Variants in NAV1 observed in about 807,000 individuals in gnomAD.
NAV1 encodes pore membrane and/or filament interacting like protein 3.
Under a neutral mutation model 175.2 loss-of-function variants are expected in NAV1, and 18 were observed. That is an observed-to-expected ratio of 0.10 (90% CI 0.07 to 0.15). The LOEUF (loss-of-function observed/expected upper bound fraction) is 0.15. NAV1 is among the 10% of genes least tolerant of loss of function. NAV1 has a pLI of 1.00. For missense variants in NAV1, 1,731 were observed against 2,436.6 expected (o/e 0.71, Z 6.10); for synonymous variants, 897 against 978.7 (o/e 0.92, Z 1.56).
intron 2 of NAV1, among the ~76,000 whole-genome samples, chr1:201,713,691 C>T (rs1463041289): frequency 6.6e-6 from 1 of 152,180 alleles, no homozygotes; most frequent in South Asian, 2.1e-4. Flanking sequence ...GCAGAACAGA[C>T]AGCCAGATTG....
intron 1 of NAV1, among the ~76,000 whole-genome samples, chr1:201,703,821 C>T (rs1359700041): frequency 1.3e-5 from 2 of 152,200 alleles, no homozygotes; most frequent in Non-Finnish European, 2.9e-5. Context: ...GAGGCTGCCA[C>T]TCCCCAGAAA....
intron 3 of NAV1, among the ~76,000 whole-genome samples, chr1:201,728,580 G>A (rs190448745): frequency 2.1e-5 from 3 of 145,482 alleles, no homozygotes; most frequent in Non-Finnish European, 4.5e-5. Flanking sequence ...GGCAAGAAGA[G>A]TGAAACTCCA....
At chr1:201,702,369 T>A (rs1179725201) in intron 1 of NAV1, among the ~76,000 whole-genome samples, 1 of 152,200 alleles carries the variant, frequency 6.6e-6, no homozygotes, top group Admixed American at 6.5e-5. Flanking sequence ...ATTTGTTTTT[T>A]TTATTATTAT....
chr1:201,670,796 G>A (rs924867979), intron 1 of NAV1, among the ~76,000 whole-genome samples: 1 of 151,900 alleles, frequency 6.6e-6, no homozygotes, highest in Non-Finnish European at 1.5e-5. Context: ...AGAGATTATG[G>A]TGATGTTTTG....
intron 3 of NAV1, among the ~76,000 whole-genome samples, chr1:201,757,613 T>C (rs1465539959): frequency 6.6e-6 from 1 of 152,246 alleles, no homozygotes; most frequent in African/African-American, 2.4e-5. Context: ...TACCATACTC[T>C]ACATCTCCAG....
Position 201,788,879 on chromosome 1 carries a change from G to A in NAV1, c.3166+241G>A, listed in dbSNP as rs1676937314. ...CATCCATCACTGGGGCTGGGGGAGG[G>A]AAATTGAGCATGGAAGGGTTAAATG... is the stretch of plus-strand genomic sequence containing the variant. On this transcript the variant is annotated intron_variant, in intron 10 of 29. Transcript: ENST00000367296. The surrounding 1 kb of genome is among the most constrained non-coding windows in gnomAD (Gnocchi z 5.7). 6.6e-6 allele frequency among the ~76,000 whole-genome samples: 1 copy of A among 152,178 alleles called. No homozygotes were observed. Among genetic ancestry groups the A allele is most frequent in the South Asian group, 2.1e-4 (1 of 4,828 alleles).
chr1:201,814,369 C>CAAA (rs11436961), intron 28 of NAV1, among the ~76,000 whole-genome samples: 1 of 147,694 alleles, frequency 6.8e-6, no homozygotes, highest in African/African-American at 2.5e-5. Context: ...GAACCTGTCT[C>CAAA]AAAAAAAAAA....
At chr1:201,618,922 T>A (rs1004164905), upstream of NAV1, among the ~76,000 whole-genome samples, 1 of 152,142 alleles carries the variant, frequency 6.6e-6, no homozygotes, top group Non-Finnish European at 1.5e-5. Context: ...TCATGACCCC[T>A]TTCTCACCCA....
intron 7 of NAV1, among the ~76,000 whole-genome samples, chr1:201,784,889 T>A (rs915522890): frequency 4.6e-5 from 7 of 152,008 alleles, no homozygotes; most frequent in African/African-American, 1.7e-4. Context: ...TGCCTCAGCC[T>A]CCCGAGTAGC....
intron 2 of NAV1, among the ~76,000 whole-genome samples, chr1:201,715,340 A>G (rs1672095133): frequency 1.3e-5 from 2 of 151,950 alleles, no homozygotes; most frequent in Non-Finnish European, 2.9e-5. Flanking sequence ...TTGTATTTTT[A>G]GTAGAGATGG....
chr1:201,641,213 G>A (rs1384843277), intron 2 of NAV1, among the ~76,000 whole-genome samples: 1 of 152,122 alleles, frequency 6.6e-6, no homozygotes, highest in Non-Finnish European at 1.5e-5. Context: ...ACCCACATTT[G>A]GCCAATAGCA....
At chr1:201,762,568 G>A (rs991527355) in intron 3 of NAV1, among the ~76,000 whole-genome samples, 2 of 152,190 alleles carry the variant, frequency 1.3e-5, no homozygotes, top group Non-Finnish European at 1.5e-5. Context: ...GAACATAGCC[G>A]GATTCATTTG....
At chr1:201,574,266 A>G (rs1666629502) in intron 1 of NAV1, among the ~76,000 whole-genome samples, 1 of 152,182 alleles carries the variant, frequency 6.6e-6, no homozygotes, top group African/African-American at 2.4e-5. Context: ...AAATCCCCAC[A>G]GAGAGAGTCA....
At chr1:201,646,177 T>A (rs1668972417), upstream of NAV1, among the ~76,000 whole-genome samples, 1 of 152,256 alleles carries the variant, frequency 6.6e-6, no homozygotes, top group African/African-American at 2.4e-5. Flanking sequence ...AGTTCTGGCA[T>A]GATACCACTC....
intron 1 of NAV1, among the ~76,000 whole-genome samples, chr1:201,550,392 A>G (rs1665822880): frequency 1.3e-5 from 2 of 152,090 alleles, no homozygotes; most frequent in African/African-American, 4.8e-5. Flanking sequence ...GGTTGGTCCC[A>G]AACTCCTGGC....
exon 2 of NAV1, chr1:201,712,847 A>G (rs1430263936): frequency 6.2e-7 from 1 of 1,613,936 alleles, no homozygotes; most frequent in Admixed American, 1.7e-5. Context: ...AGGACAGTGC[A>G]GAATGTCCTG....
chr1:201,617,038 A>G (rs1014605), intron 2 of NAV1, among the ~76,000 whole-genome samples: 5,979 of 152,200 alleles, frequency 0.039, 258 homozygotes, highest in African/African-American at 0.1. Context: ...TCCCTAGTGT[A>G]ATTTATTGAG....
At chr1:201,633,088 G>A (rs534571931) in intron 2 of NAV1, among the ~76,000 whole-genome samples, 2 of 152,170 alleles carry the variant, frequency 1.3e-5, no homozygotes, top group Non-Finnish European at 2.9e-5. Flanking sequence ...AAACTTTATA[G>A]ATCTCCCAAA....
At chr1:201,684,631 C>T (rs530735514) in intron 1 of NAV1, among the ~76,000 whole-genome samples, 4 of 151,740 alleles carry the variant, frequency 2.6e-5, no homozygotes, top group East Asian at 2.0e-4. Flanking sequence ...TCTGCCACCA[C>T]GCCTGGCTAA....
Sources: allele counts gnomAD v4.1 joint callset (sites outside exome capture counted in the v4.1 genomes callset), GRCh38; gene constraint gnomAD v4.1.1; non-coding constraint Gnocchi (gnomAD v3.1); transcripts MANE v1.5; gene names NCBI Gene and HGNC (gene_info 2026-07-23, HGNC 2026-07-21).